SH2D4A: variants seen among roughly 807,000 people sequenced by gnomAD.
SH2D4A encodes the protein SH2 domain containing 4A.
In SH2D4A, 70 loss-of-function variants were observed where a neutral mutation model predicts 64.7. The observed-to-expected ratio is 1.08, with a 90% confidence interval of 0.89 to 1.32. The LOEUF is 1.32. SH2D4A is among the 40% of genes most tolerant of loss of function. The probability of loss-of-function intolerance (pLI) is 0.00; values close to 1 mark genes in which losing one functional copy is unlikely to be tolerated. For synonymous variants in SH2D4A, 268 were observed against 200.7 expected, an observed-to-expected ratio of 1.34 and a Z score of -2.83; for missense variants, 706 against 540.1, an observed-to-expected ratio of 1.31 and a Z score of -3.04.
In SH2D4A at chr8:19,395,747, G is replaced by A. The variant is rs1209911655; in HGVS notation, c.*1105G>A. 6.6e-6 allele frequency: 1 copy of A among 152,150 alleles called. No individual in the cohort carries two copies. Among genetic ancestry groups the A allele is most frequent in the Non-Finnish European group, 1.5e-5 (1 of 68,050 alleles). The allele number at this position is 152,150 out of a possible 1,614,324, so 9.4% of individuals were successfully genotyped here. A position where few individuals can be genotyped will look rare whatever the true frequency, so the allele number is the denominator to read the frequency against. On this transcript the variant is annotated 3_prime_UTR_variant, in exon 10 of 10. Transcript: ENST00000265807. Reference sequence around the variant, plus strand: ...CCCCACAAGCCTTAGAAGGAAGCATGGCCCTGACTTCAGAATTCCAGACTC... The same window carrying A: ...CCCCACAAGCCTTAGAAGGAAGCATAGCCCTGACTTCAGAATTCCAGACTC...
chr8:19,330,618 G>T (rs953596528), intron 2 of SH2D4A, among the ~76,000 whole-genome samples: 3 of 152,108 alleles, frequency 2.0e-5, no homozygotes, highest in Non-Finnish European at 2.9e-5. Context: ...TTTTCCCTAA[G>T]AGTTCCTGCC....
intron 4 of SH2D4A, among the ~76,000 whole-genome samples, chr8:19,339,571 C>G (rs971846100): frequency 5.4e-5 from 8 of 148,206 alleles, no homozygotes; most frequent in African/African-American, 2.0e-4. Context: ...GCAATCATAG[C>G]TCACTGCTGC....
rs752720623 is a variant in SH2D4A at position 19,357,292 on chromosome 8, C to T, written c.594+9C>T. 6.2e-7 allele frequency: 1 copy of T among 1,602,834 alleles called. No individual in the cohort carries two copies. Among genetic ancestry groups the T allele is most frequent in the Non-Finnish European group, 8.5e-7 (1 of 1,169,938 alleles). On this transcript the variant is annotated intron_variant, in intron 5 of 9. Coordinates refer to ENST00000265807, the MANE Select transcript of SH2D4A (RefSeq NM_022071.4). ...CATATGCATTTCACCAGGTAAAAGA[C>T]TTCCCTTCTGTCCTCCGGGGGCTGC...
intron 9 of SH2D4A, among the ~76,000 whole-genome samples, chr8:19,394,100 C>T (rs188889338): frequency 2.0e-4 from 31 of 152,196 alleles, no homozygotes; most frequent in South Asian, 8.3e-4. Flanking sequence ...CTAAGGAGCG[C>T]ACAACTGAGA....
At chr8:19,350,846 A>G (rs371882754) in intron 4 of SH2D4A, among the ~76,000 whole-genome samples, 1 of 152,162 alleles carries the variant, frequency 6.6e-6, no homozygotes, top group African/African-American at 2.4e-5. Flanking sequence ...TGTACTTTCA[A>G]GTCGGGGTAT....
chr8:19,372,504 G>T (rs935771033), intron 7 of SH2D4A, among the ~76,000 whole-genome samples: 4 of 152,130 alleles, frequency 2.6e-5, no homozygotes, highest in Non-Finnish European at 4.4e-5. Flanking sequence ...GCTGATATTG[G>T]ACCCCATCAG....
chr8:19,378,319 G>C (rs2053230205), intron 8 of SH2D4A, among the ~76,000 whole-genome samples: 2 of 152,132 alleles, frequency 1.3e-5, no homozygotes, highest in South Asian at 4.1e-4. Flanking sequence ...GTTTCTGCTT[G>C]TTGTATCATG....
At chr8:19,388,070 T>A (rs1468391357) in intron 8 of SH2D4A, among the ~76,000 whole-genome samples, 1 of 152,212 alleles carries the variant, frequency 6.6e-6, no homozygotes, top group Non-Finnish European at 1.5e-5. Context: ...AAAATGCATC[T>A]TCTTTAAGTT....
chr8:19,369,316 G>T (rs971207634), intron 7 of SH2D4A, among the ~76,000 whole-genome samples: 1 of 152,072 alleles, frequency 6.6e-6, no homozygotes, highest in East Asian at 1.9e-4. Context: ...TTGTGTCTTT[G>T]TCTGGTTTTG....
At chr8:19,389,031 A>G (rs2053438142) in intron 8 of SH2D4A, among the ~76,000 whole-genome samples, 1 of 152,198 alleles carries the variant, frequency 6.6e-6, no homozygotes, top group Non-Finnish European at 1.5e-5. Context: ...GAGTGCTCAG[A>G]TGGAGGTGGG....
intron 8 of SH2D4A, among the ~76,000 whole-genome samples, chr8:19,391,686 T>C (rs767989421): frequency 7.2e-5 from 11 of 152,216 alleles, no homozygotes; most frequent in Non-Finnish European, 1.5e-4. Flanking sequence ...TCTGGTTGGA[T>C]GATCTTGGCT....
chr8:19,313,738 C>T lies in SH2D4A; in HGVS notation c.-290C>T, dbSNP rs769823948. 4.5e-5 allele frequency: 68 copies of T among 1,507,512 alleles called. No individual in the cohort carries two copies. Among genetic ancestry groups the T allele is most frequent in the Non-Finnish European group, 5.6e-5 (63 of 1,132,960 alleles). The allele number at this position is 1,507,512 out of a possible 1,614,324, so 93.4% of individuals were successfully genotyped here. A position where few individuals can be genotyped will look rare whatever the true frequency, so the allele number is the denominator to read the frequency against. On this transcript the variant is annotated 5_prime_UTR_variant, in exon 1 of 10. Transcript: ENST00000265807. ...CGCCGCTTGGGACGCCTCTGCCTTTCCCTCCCTCCCTTCCCCGACGGCTTC... is the reference window on the plus strand; with the variant it reads ...CGCCGCTTGGGACGCCTCTGCCTTTTCCTCCCTCCCTTCCCCGACGGCTTC...
At chr8:19,326,529 A>G (rs939054686) in intron 2 of SH2D4A, among the ~76,000 whole-genome samples, 7 of 152,192 alleles carry the variant, frequency 4.6e-5, no homozygotes, top group African/African-American at 1.7e-4. Flanking sequence ...TCTACCTCAT[A>G]GGAGGCCCTG....
intron 7 of SH2D4A, among the ~76,000 whole-genome samples, chr8:19,365,696 C>T (rs2052981740): frequency 6.6e-6 from 1 of 152,230 alleles, no homozygotes; most frequent in South Asian, 2.1e-4. Flanking sequence ...TTTTTTCCAA[C>T]TGAAGACACT....
chr8:19,394,862 G>C lies in SH2D4A; in HGVS notation c.*220G>C. The C allele has an allele frequency of 2.6e-6, 1 of 380,106 alleles. No homozygotes were observed. Among genetic ancestry groups the C allele is most frequent in the Admixed American group, 4.5e-5 (1 of 22,192 alleles). The allele number at this position is 380,106 out of a possible 1,614,324, so 23.5% of individuals were successfully genotyped here. On this transcript the variant is annotated 3_prime_UTR_variant, in exon 10 of 10. Transcript: ENST00000265807. ...TGACCTCTGCTCAAAAGGGAGAAGA[G>C]TCTCAATTTCAGCAAGTACCTGTCA...
intron 4 of SH2D4A, among the ~76,000 whole-genome samples, chr8:19,352,178 TTGAC>T (rs1269918022): frequency 2.0e-5 from 3 of 152,226 alleles, no homozygotes; most frequent in African/African-American, 7.2e-5. Context: ...TTCTTCTCAT[TTGAC>T]AGACAGACTC....
intron 7 of SH2D4A, among the ~76,000 whole-genome samples, chr8:19,365,021 AAAG>A (rs1298966792): frequency 6.6e-6 from 1 of 152,280 alleles, no homozygotes; most frequent in South Asian, 2.1e-4. Flanking sequence ...TAGTATTTAG[AAAG>A]AAGTATTAAA....
chr8:19,354,669 A>C (rs2052761416), intron 4 of SH2D4A, among the ~76,000 whole-genome samples: 1 of 152,242 alleles, frequency 6.6e-6, no homozygotes, highest in Non-Finnish European at 1.5e-5. Flanking sequence ...TCATGTGTAC[A>C]TGAGATGAAC....
chr8:19,343,645 G>A (rs1427013976), intron 4 of SH2D4A, among the ~76,000 whole-genome samples: 1 of 152,078 alleles, frequency 6.6e-6, no homozygotes, highest in Non-Finnish European at 1.5e-5. Context: ...CCTACCCAGG[G>A]GCTGCACACT....
Sources: allele counts gnomAD v4.1 joint callset (sites outside exome capture counted in the v4.1 genomes callset), GRCh38; gene constraint gnomAD v4.1.1; transcripts MANE v1.5; gene names NCBI Gene and HGNC (gene_info 2026-07-23, HGNC 2026-07-21).